Variants in PIEZO2 observed in about 807,000 individuals in gnomAD.
The protein encoded by PIEZO2 is piezo-type mechanosensitive ion channel component 2.
In PIEZO2, 172 loss-of-function variants were observed where a neutral mutation model predicts 337.3. The observed-to-expected ratio is 0.51, with a 90% CI of 0.45 to 0.58. The LOEUF (loss-of-function observed/expected upper bound fraction) is 0.58, where lower values mean the gene tolerates loss of function less well. PIEZO2 is among the 20% of genes least tolerant of loss of function. The probability of loss-of-function intolerance (pLI) is 0.00; values close to 1 mark genes in which losing one functional copy is unlikely to be tolerated. For synonymous variants in PIEZO2, 1,251 were observed against 1,228.5 expected, an observed-to-expected ratio of 1.02 and a Z score of -0.38; for missense variants, 3,028 against 3,391.3, an observed-to-expected ratio of 0.89 and a Z score of 2.66.
chr18:10,953,083 A>C lies in PIEZO2; in HGVS notation c.286+26452T>G, dbSNP rs1568234121. On this transcript the variant is annotated intron_variant, in intron 3 of 55. Transcript: ENST00000674853. This position sits in a 1 kb window ranked among gnomAD's most constrained non-coding sequence, Gnocchi z 5.2. ...TTCAAAAATTTTGCCCATTAAAAAA[A>C]ATGAGATGTTTCCTTAGTATTGAGT... Among the ~76,000 whole-genome samples the C allele has an allele frequency of 1.3e-5, 2 of 152,192 alleles. No homozygotes were observed. Among genetic ancestry groups the C allele is most frequent in the Non-Finnish European group, 2.9e-5 (2 of 68,032 alleles).
intron 45 of PIEZO2, among the ~76,000 whole-genome samples, chr18:10,697,001 G>A (rs1375019214): frequency 6.6e-6 from 1 of 152,190 alleles, no homozygotes; most frequent in East Asian, 1.9e-4. Context: ...CTCAGACTTG[G>A]AGTGCTTGGT....
chr18:10,872,873 G>A lies in PIEZO2; in HGVS notation c.330-1458C>T, dbSNP rs1367593836. On this transcript the variant is annotated intron_variant, in intron 4 of 55. Coordinates refer to ENST00000674853, the MANE Select transcript of PIEZO2 (RefSeq NM_001378183.1). The surrounding 1 kb of genome is among the most constrained non-coding windows in gnomAD (Gnocchi z 4.3). ...TTAAAATAGGGAGGATACAGGTAGAGGAGTCAAGAGTCTGTACCAGCATTA... is the reference window on the plus strand; with the variant it reads ...TTAAAATAGGGAGGATACAGGTAGAAGAGTCAAGAGTCTGTACCAGCATTA... Among the ~76,000 whole-genome samples the A allele has an allele frequency of 6.6e-6, 1 of 152,176 alleles. No individual in the cohort carries two copies. The highest frequency in any genetic ancestry group is 1.9e-4 in the East Asian group (1 of 5,180).
At chr18:10,809,377 T>C (rs935678579) in intron 7 of PIEZO2, among the ~76,000 whole-genome samples, 3 of 147,286 alleles carry the variant, frequency 2.0e-5, no homozygotes, top group African/African-American at 7.4e-5. Context: ...TTCAAGCAAT[T>C]CTTCTGCCTC....
chr18:10,809,363 C>A (rs375712282), intron 7 of PIEZO2, among the ~76,000 whole-genome samples: 1 of 147,316 alleles, frequency 6.8e-6, no homozygotes, highest in African/African-American at 2.5e-5. Flanking sequence ...CTCCGCCTCC[C>A]GGGTTCAAGC....
intron 12 of PIEZO2, among the ~76,000 whole-genome samples, chr18:10,796,040 C>T (rs1007011282): frequency 2.0e-5 from 3 of 151,880 alleles, no homozygotes; most frequent in African/African-American, 7.3e-5. Context: ...TCTAGGGAAC[C>T]ACGGTTGCTT....
At chr18:10,926,994 G>T (rs1300933032) in intron 3 of PIEZO2, among the ~76,000 whole-genome samples, 4 of 152,194 alleles carry the variant, frequency 2.6e-5, no homozygotes, top group Non-Finnish European at 4.4e-5. Flanking sequence ...GTGAAAGAAA[G>T]AATACAAATG....
rs913773892 is a variant in PIEZO2, at chr18:10,791,571, C to T, written c.1759-247G>A. On this transcript the variant is annotated intron_variant, in intron 13 of 55. Coordinates refer to ENST00000674853, the MANE Select transcript of PIEZO2 (RefSeq NM_001378183.1). ...CACGCAAGTCCTGAGGAAGATGAAC[C>T]CAACCTTTCTAACAACTTCCACCTG... 6 of 272,400 alleles carry T rather than the reference C, an allele frequency of 2.2e-5. No individual in the cohort carries two copies. The East Asian group carries it at 2.8e-4, about 13-fold the overall frequency. 16.9% of individuals were successfully genotyped at this position (272,400 alleles called of 1,614,324 possible).
At position 10,834,420 on chromosome 18, in the gene PIEZO2, A is replaced by G. The variant is rs972629164; in HGVS notation, c.917+20933T>C. ...AGCACCCGACAATACTATGTGCTCA[A>G]TACACCTTAACTATTACAACTATGA... On this transcript the variant is annotated intron_variant, in intron 7 of 55. Coordinates refer to ENST00000674853, the MANE Select transcript of PIEZO2 (RefSeq NM_001378183.1). This position sits in a 1 kb window ranked among gnomAD's most constrained non-coding sequence, Gnocchi z 4.5. Among the ~76,000 whole-genome samples the G allele has an allele frequency of 6.6e-6, 1 of 152,202 alleles. No individual in the cohort carries two copies. Among genetic ancestry groups the G allele is most frequent in the African/African-American group, 2.4e-5 (1 of 41,446 alleles).
rs144677332 is a variant in PIEZO2 at position 10,715,879 on chromosome 18, T to G, written c.5090-63A>C. On this transcript the variant is annotated intron_variant, in intron 37 of 55. Coordinates refer to ENST00000674853, the MANE Select transcript of PIEZO2 (RefSeq NM_001378183.1). ...AAATACCATTGATTTTACTTTTGTG[T>G]AGCCCAGCGATGTTTTACCAAAGCT... 52 of 1,338,576 alleles carry G rather than the reference T, an allele frequency of 3.9e-5. No individual in the cohort carries two copies. In the East Asian group the frequency reaches 1.3e-3, roughly 34 times the overall value. The allele number at this position is 1,338,576 out of a possible 1,614,324, so 82.9% of individuals were successfully genotyped here.
chr18:11,063,223 T>C (rs544293277), intron 2 of PIEZO2, among the ~76,000 whole-genome samples: 9 of 142,912 alleles, frequency 6.3e-5, no homozygotes, highest in African/African-American at 2.1e-4. Context: ...TAGGTGGGAA[T>C]TGAACAATGA....
intron 2 of PIEZO2, among the ~76,000 whole-genome samples, chr18:11,061,643 A>G (rs993939352): frequency 6.6e-6 from 1 of 151,836 alleles, no homozygotes; most frequent in African/African-American, 2.4e-5. Context: ...TCATGAGTGA[A>G]CTCCCATTCA....
intron 8 of PIEZO2, among the ~76,000 whole-genome samples, chr18:10,804,443 CAT>C (rs1314380916): frequency 9.2e-5 from 14 of 152,212 alleles, no homozygotes; most frequent in Non-Finnish European, 1.3e-4. Context: ...TATCTATGCA[CAT>C]GAGACATTTG....
At chr18:10,957,661 C>A (rs575666353) in intron 3 of PIEZO2, among the ~76,000 whole-genome samples, 1 of 152,146 alleles carries the variant, frequency 6.6e-6, no homozygotes, top group African/African-American at 2.4e-5. Context: ...AAAAAATAGA[C>A]AAATGAGATT....
intron 18 of PIEZO2, among the ~76,000 whole-genome samples, chr18:10,777,855 A>G (rs1307110801): frequency 6.6e-6 from 1 of 152,210 alleles, no homozygotes; most frequent in Non-Finnish European, 1.5e-5. Context: ...AGAACTCAAA[A>G]GCACTCTCAG....
At chr18:10,798,128 C>T (rs1229106809) in intron 11 of PIEZO2, among the ~76,000 whole-genome samples, 2 of 152,228 alleles carry the variant, frequency 1.3e-5, no homozygotes, top group African/African-American at 4.8e-5. Flanking sequence ...CCCTCTCCGA[C>T]AAGCCTTCAG....
In PIEZO2 at chr18:10,982,369, TA is replaced by T. The variant is rs146082360; in HGVS notation, c.161-2710del. Among the ~76,000 whole-genome samples, 8,448 of 148,566 alleles carry T rather than the reference TA, an allele frequency of 0.057. 514 individuals carry two copies. The highest frequency in any genetic ancestry group is 0.15 in the African/African-American group (6,151 of 40,656). ...CTTAAGACCGTTCTTGACAAAATTGTAAAAAAAAAATAGAAAAACAAATAAT... is the reference window on the plus strand; with the variant it reads ...CTTAAGACCGTTCTTGACAAAATTGTAAAAAAAAATAGAAAAACAAATAAT... On this transcript the variant is annotated intron_variant, in intron 2 of 55. Transcript: ENST00000674853. This position sits in a 1 kb window ranked among gnomAD's most constrained non-coding sequence, Gnocchi z 4.1.
Position 10,988,397 on chromosome 18 carries a change from A to G in PIEZO2, c.161-8737T>C, listed in dbSNP as rs2034964470. ...AGCACAAATGTATTAAGAAAGCCTC[A>G]CACCTGTTAAGATGACTATTTTTGA... On this transcript the variant is annotated intron_variant, in intron 2 of 55. Transcript: ENST00000674853. This position sits in a 1 kb window ranked among gnomAD's most constrained non-coding sequence, Gnocchi z 4.8. Among the ~76,000 whole-genome samples the G allele has an allele frequency of 6.6e-6, 1 of 152,190 alleles. No individual in the cohort carries two copies. The highest frequency in any genetic ancestry group is 2.1e-4 in the South Asian group (1 of 4,828).
Position 10,773,342 on chromosome 18 carries a change from A to C in PIEZO2, c.2785+70T>G. The C allele has an allele frequency of 7.0e-7, 1 of 1,430,978 alleles. No homozygotes were observed. Among genetic ancestry groups the C allele is most frequent in the Non-Finnish European group, 9.5e-7 (1 of 1,051,678 alleles). The allele number at this position is 1,430,978 out of a possible 1,614,324, so 88.6% of individuals were successfully genotyped here. A position where few individuals can be genotyped will look rare whatever the true frequency, so the allele number is the denominator to read the frequency against. ...GTCAAATATATATTCTTTTGGAGCA[A>C]GTCAATGTTTCCTTCACTCAGTCTG... is the stretch of plus-strand genomic sequence containing the variant. On this transcript the variant is annotated intron_variant, in intron 20 of 55. Transcript: ENST00000674853. This position sits in a 1 kb window ranked among gnomAD's most constrained non-coding sequence, Gnocchi z 5.3.
intron 2 of PIEZO2, among the ~76,000 whole-genome samples, chr18:11,044,237 G>A (rs917534237): frequency 1.3e-5 from 2 of 150,226 alleles, no homozygotes; most frequent in Non-Finnish European, 3.0e-5. Context: ...ACTACCTCAG[G>A]AAATTGTTGT....
Sources: gnomAD v4.1 joint callset for allele counts (sites outside exome capture counted in the v4.1 genomes callset) on GRCh38, gnomAD v4.1.1 for gene constraint, Gnocchi (gnomAD v3.1) non-coding constraint, MANE v1.5 for transcripts, NCBI Gene and HGNC (gene_info 2026-07-23, HGNC 2026-07-21) for gene names.